BICC1: variants seen among roughly 807,000 people sequenced by gnomAD.
BICC1 encodes BicC family RNA binding protein 1, also known as protein bicaudal C homolog 1.
In BICC1, 43 loss-of-function variants were observed where a neutral mutation model predicts 111.0. The observed-to-expected ratio is 0.39, with a 90% confidence interval of 0.30 to 0.50. The LOEUF (loss-of-function observed/expected upper bound fraction) is 0.50, where lower values mean the gene tolerates loss of function less well. Ranked by LOEUF, BICC1 falls within the 20% of genes least tolerant of loss-of-function variation. The pLI is 0.88. For missense variants in BICC1, 1,091 were observed against 1,203.2 expected (o/e 0.91, Z 1.38); for synonymous variants, 467 against 434.4 (o/e 1.07, Z -0.93).
intron 1 of BICC1, among the ~76,000 whole-genome samples, chr10:58,595,873 CTGAAGGATA>C (rs1019962262): frequency 2.6e-4 from 40 of 152,138 alleles, no homozygotes; most frequent in Admixed American, 2.5e-3. Flanking sequence ...CAGAGCAAAA[CTGAAGGATA>C]TAGAGACATG....
chr10:58,573,915 G>A (rs1399715811), intron 1 of BICC1, among the ~76,000 whole-genome samples: 1 of 152,122 alleles, frequency 6.6e-6, no homozygotes, highest in Admixed American at 6.6e-5. Context: ...GTACCCTATA[G>A]TATTTCTGAC....
intron 4 of BICC1, among the ~76,000 whole-genome samples, chr10:58,786,309 A>G (rs1422072771): frequency 6.6e-6 from 1 of 152,136 alleles, no homozygotes; most frequent in Non-Finnish European, 1.5e-5. Flanking sequence ...TAACTAATGT[A>G]CTTTGAATTT....
intron 12 of BICC1, 117 bp downstream of exon 12, chr10:58,799,369 T>G (rs1411011475): frequency 4.6e-6 from 3 of 652,916 alleles, no homozygotes; most frequent in Non-Finnish European, 6.8e-6. Flanking sequence ...TTGTAAGAGA[T>G]AAACCCCTGG....
intron 2 of BICC1, among the ~76,000 whole-genome samples, chr10:58,687,627 C>T (rs1056746339): frequency 3.3e-5 from 5 of 152,202 alleles, no homozygotes; most frequent in Non-Finnish European, 5.9e-5. Flanking sequence ...GACTGCTGTG[C>T]TGGCAGTGAG....
In BICC1 at chr10:58,639,398, T is replaced by TC. The variant is rs1227981360; in HGVS notation, c.237+18497_237+18498insC. On this transcript the variant is annotated intron_variant, in intron 2 of 20. Transcript: ENST00000373886. ...ATCAGTGGTGAGTCTGCCATTTAAA[T>TC]TTTTTTTTTTTTTTTTGAGACAGAG... Among the ~76,000 whole-genome samples, 6 of 408 alleles carry TC rather than the reference T, an allele frequency of 0.015. No homozygotes were observed. The South Asian group carries it at 0.5, about 34-fold the overall frequency. 0.3% of individuals were successfully genotyped at this position (408 alleles called of 152,430 possible).
chr10:58,620,788 A>C, intron 1 of BICC1, 67 bp from the exon 2 acceptor site: 1 of 1,477,814 alleles, frequency 6.8e-7, no homozygotes, highest in Non-Finnish European at 9.4e-7. Context: ...CTCATATCTG[A>C]TGCTCGAAAG....
intron 14 of BICC1, among the ~76,000 whole-genome samples, chr10:58,801,467 A>G (rs2132874062): frequency 6.6e-6 from 1 of 152,316 alleles, no homozygotes; most frequent in Non-Finnish European, 1.5e-5. Flanking sequence ...AAACTTTTAA[A>G]TAAATGCTTG....
chr10:58,557,487 AC>A (rs1843485199), intron 1 of BICC1, among the ~76,000 whole-genome samples: 2 of 151,988 alleles, frequency 1.3e-5, no homozygotes, highest in Non-Finnish European at 2.9e-5. Context: ...CTCCAATTAC[AC>A]ATATATTCGA....
chr10:58,586,890 A>G (rs1345714642), intron 1 of BICC1, among the ~76,000 whole-genome samples: 2 of 152,132 alleles, frequency 1.3e-5, no homozygotes, highest in East Asian at 1.9e-4. Context: ...GCATCAACCA[A>G]TATTATGAAC....
At chr10:58,688,992 A>C (rs1839835390) in intron 2 of BICC1, among the ~76,000 whole-genome samples, 1 of 152,194 alleles carries the variant, frequency 6.6e-6, no homozygotes, top group African/African-American at 2.4e-5. Context: ...ACAAACCTGC[A>C]CATTCTGCAC....
chr10:58,824,061 A>G (rs376451922), intron 20 of BICC1: 69 of 984,210 alleles, frequency 7.0e-5, no homozygotes, highest in Non-Finnish European at 7.2e-5. Flanking sequence ...TAAATTTGGC[A>G]TGTTAAAATA....
intron 9 of BICC1, 106 bp from the exon 10 acceptor site, chr10:58,796,234 G>C (rs1843347913): frequency 1.1e-6 from 1 of 926,894 alleles, no homozygotes; most frequent in African/African-American, 1.6e-5. Flanking sequence ...TATGTCCCCT[G>C]AGTGGAATTC....
chr10:58,809,680 G>C (rs190280993), intron 17 of BICC1, among the ~76,000 whole-genome samples: 1 of 152,326 alleles, frequency 6.6e-6, no homozygotes, highest in African/African-American at 2.4e-5. Flanking sequence ...ACTCAAGCTA[G>C]TTATGCTTTT....
At chr10:58,810,439 A>C (rs1843864739) in intron 17 of BICC1, among the ~76,000 whole-genome samples, 1 of 152,090 alleles carries the variant, frequency 6.6e-6, no homozygotes, top group African/African-American at 2.4e-5. Context: ...AAGTGCTACT[A>C]ATGGAAAGAT....
intron 2 of BICC1, among the ~76,000 whole-genome samples, chr10:58,641,783 A>T (rs1445224207): frequency 6.6e-6 from 1 of 152,226 alleles, no homozygotes; most frequent in African/African-American, 2.4e-5. Context: ...GGTAAAACAC[A>T]CATAAAAGTT....
At chr10:58,683,360 A>T (rs1456271695) in intron 2 of BICC1, among the ~76,000 whole-genome samples, 2 of 152,232 alleles carry the variant, frequency 1.3e-5, no homozygotes, top group Non-Finnish European at 1.5e-5. Context: ...TGTCTTGGCA[A>T]TGCGGGCTCT....
At chr10:58,713,237 C>T (rs781267912) in intron 3 of BICC1, among the ~76,000 whole-genome samples, 2 of 152,140 alleles carry the variant, frequency 1.3e-5, no homozygotes, top group Admixed American at 1.3e-4. Context: ...GACTGCTGCT[C>T]TCTGCTTTCT....
chr10:58,745,427 G>A (rs185725310), intron 3 of BICC1, among the ~76,000 whole-genome samples: 68 of 152,132 alleles, frequency 4.5e-4, no homozygotes, highest in African/African-American at 1.6e-3. Context: ...TCTAACAACT[G>A]ACCACAAACT....
At chr10:58,714,338 C>T (rs1021211129) in intron 3 of BICC1, among the ~76,000 whole-genome samples, 1 of 152,112 alleles carries the variant, frequency 6.6e-6, no homozygotes, top group Non-Finnish European at 1.5e-5. Flanking sequence ...ACCTATGTAA[C>T]AAAATAGGTG....
Sources: gnomAD v4.1 joint callset for allele counts (sites outside exome capture counted in the v4.1 genomes callset) on GRCh38, gnomAD v4.1.1 for gene constraint, MANE v1.5 for transcripts, NCBI Gene and HGNC (gene_info 2026-07-23, HGNC 2026-07-21) for gene names.